Variants in RASAL2 observed in about 807,000 individuals in gnomAD.
RASAL2 encodes RAS protein activator like 2.
RASAL2 carries 58 observed loss-of-function variants against 128.9 expected under a neutral mutation model. The observed-to-expected ratio is 0.45, with a 90% CI of 0.36 to 0.56. The LOEUF (loss-of-function observed/expected upper bound fraction) is 0.56. RASAL2 is among the 20% of genes least tolerant of loss of function. The pLI is 0.00. For synonymous variants in RASAL2, 561 were observed against 580.8 expected (o/e 0.97, Z 0.49); for missense variants, 1,360 against 1,601.6 (o/e 0.85, Z 2.57).
At chr1:178,365,280 T>C (rs1262414201) in intron 3 of RASAL2, among the ~76,000 whole-genome samples, 1 of 152,192 alleles carries the variant, frequency 6.6e-6, no homozygotes, top group Non-Finnish European at 1.5e-5. Flanking sequence ...TAATACCTTA[T>C]ATGATCATAT....
chr1:178,255,183 C>T (rs1343568412), intron 1 of RASAL2, among the ~76,000 whole-genome samples: 2 of 151,662 alleles, frequency 1.3e-5, no homozygotes, highest in South Asian at 2.1e-4. Flanking sequence ...GCAGACTTGC[C>T]GTAGAGGAAA....
intron 5 of RASAL2, among the ~76,000 whole-genome samples, chr1:178,424,692 G>A (rs1675407121): frequency 6.6e-6 from 1 of 151,970 alleles, no homozygotes; most frequent in Non-Finnish European, 1.5e-5. Context: ...AAACTCCTGG[G>A]CTCAAGTGAT....
chr1:178,412,109 G>A (rs1156434468), intron 4 of RASAL2: 2 of 286,688 alleles, frequency 7.0e-6, no homozygotes, highest in African/African-American at 4.5e-5. Context: ...ACTGAGTAAT[G>A]GAGTCAAGGA....
At chr1:178,234,394 T>C (rs1374325180) in intron 1 of RASAL2, among the ~76,000 whole-genome samples, 1 of 152,198 alleles carries the variant, frequency 6.6e-6, no homozygotes, top group Non-Finnish European at 1.5e-5. Context: ...AAATACTCCA[T>C]TTGAATATGG....
intron 3 of RASAL2, among the ~76,000 whole-genome samples, chr1:178,339,725 A>C (rs1669770767): frequency 6.6e-6 from 1 of 152,140 alleles, no homozygotes; most frequent in South Asian, 2.1e-4. Flanking sequence ...CTGTATAAAG[A>C]GTTGGGTAGG....
At chr1:178,416,780 CTT>C (rs2102731019) in intron 4 of RASAL2, among the ~76,000 whole-genome samples, 1 of 152,038 alleles carries the variant, frequency 6.6e-6, no homozygotes, top group South Asian at 2.1e-4. Flanking sequence ...CCTCTCAACA[CTT>C]TAATATTTCA....
At position 178,337,086 on chromosome 1, in the gene RASAL2, A is replaced by C. The variant is rs185583607; in HGVS notation, c.457+36968A>C. On this transcript the variant is annotated intron_variant, in intron 3 of 17. Transcript: ENST00000367649. ...CCTAGCCAATTGCCATTCCAGAAAA[A>C]AAAAATGCAGTCTACTAAGTCATCT... Among the ~76,000 whole-genome samples, 207 of 152,274 alleles carry C rather than the reference A, an allele frequency of 1.4e-3. 1 individual carries two copies. Among genetic ancestry groups the C allele is most frequent in the African/African-American group, 4.3e-3 (180 of 41,556 alleles).
At chr1:178,467,086 G>C (rs1163245864) in intron 16 of RASAL2, among the ~76,000 whole-genome samples, 1 of 152,162 alleles carries the variant, frequency 6.6e-6, no homozygotes, top group Non-Finnish European at 1.5e-5. Context: ...GCTCAGGAAG[G>C]AATCTGAGAG....
At chr1:178,361,235 C>T (rs1235056495) in intron 3 of RASAL2, among the ~76,000 whole-genome samples, 1 of 152,026 alleles carries the variant, frequency 6.6e-6, no homozygotes, top group Non-Finnish European at 1.5e-5. Context: ...GAATTTACAA[C>T]AGATTCAAAT....
intron 3 of RASAL2, among the ~76,000 whole-genome samples, chr1:178,342,143 C>T (rs1259255465): frequency 6.6e-6 from 1 of 152,080 alleles, no homozygotes; most frequent in African/African-American, 2.4e-5. Flanking sequence ...GTTATTTTTG[C>T]CCAAGGTAGG....
intron 1 of RASAL2, among the ~76,000 whole-genome samples, chr1:178,145,386 G>A (rs1398380617): frequency 6.6e-6 from 1 of 151,898 alleles, no homozygotes; most frequent in East Asian, 1.9e-4. Context: ...GGCTTTTAAG[G>A]AAAGAGAGTA....
intron 3 of RASAL2, among the ~76,000 whole-genome samples, chr1:178,353,113 G>T (rs1670604386): frequency 6.6e-6 from 1 of 152,214 alleles, no homozygotes; most frequent in Non-Finnish European, 1.5e-5. Context: ...GCAAATTTCT[G>T]CAACCTGCTT....
At chr1:178,251,611 A>G (rs2102087573) in intron 1 of RASAL2, among the ~76,000 whole-genome samples, 1 of 152,308 alleles carries the variant, frequency 6.6e-6, no homozygotes, top group South Asian at 2.1e-4. Flanking sequence ...TTGATTAATT[A>G]CAGTGATAAA....
At chr1:178,162,306 T>TAA (rs1476704005) in intron 1 of RASAL2, among the ~76,000 whole-genome samples, 3 of 128,498 alleles carry the variant, frequency 2.3e-5, no homozygotes, top group Non-Finnish European at 4.7e-5. Context: ...TATATATATA[T>TAA]ATAATGTATT....
chr1:178,237,473 G>A (rs1664304773), intron 1 of RASAL2, among the ~76,000 whole-genome samples: 2 of 152,126 alleles, frequency 1.3e-5, no homozygotes, highest in Non-Finnish European at 2.9e-5. Context: ...GTTGAGACTA[G>A]CATCCCAGCC....
In RASAL2 at chr1:178,420,572, A is replaced by C; in HGVS notation, c.626A>C (p.Asp209Ala). The change falls in exon 5 of 18, where the codon GAC becomes GCC. Residue 209 changes from aspartate to alanine, a missense_variant. This residue lies in a region of RASAL2 where 617 missense variants were observed against 714.2 expected (regional missense o/e 0.86). Coordinates refer to ENST00000367649, the MANE Select transcript of RASAL2 (RefSeq NM_170692.4). Reference sequence around the variant, plus strand: ...AGGACCAAAAGCCAGTCAAAGCTTGACAGAAACACGAGCTTTCGGCTTCCA... The same window carrying C: ...AGGACCAAAAGCCAGTCAAAGCTTGCCAGAAACACGAGCTTTCGGCTTCCA... ...IKRTKSQSKLDRNTSFRLPSL... is the reference protein window; with the variant it reads ...IKRTKSQSKLARNTSFRLPSL... The C allele has an allele frequency of 6.2e-7, 1 of 1,613,268 alleles. No individual in the cohort carries two copies. The highest frequency in any genetic ancestry group is 1.7e-4 in the Middle Eastern group (1 of 6,056).
At position 178,345,424 on chromosome 1, in the gene RASAL2, A is replaced by G. The variant is rs988801309; in HGVS notation, c.458-44676A>G. Among the ~76,000 whole-genome samples, 11 of 152,180 alleles carry G rather than the reference A, an allele frequency of 7.2e-5. 1 individual carries two copies. The highest frequency in any genetic ancestry group is 3.9e-4 in the Admixed American group (6 of 15,276). ...CCTAGGATAGCTAGCCTGTTAGACA[A>G]GTTGCTAACTGATGTCCTGAATCCA... On this transcript the variant is annotated intron_variant, in intron 3 of 17. Coordinates refer to ENST00000367649, the MANE Select transcript of RASAL2 (RefSeq NM_170692.4).
chr1:178,458,660 C>T (rs983534100), intron 14 of RASAL2, 116 bp downstream of exon 14: 2 of 1,391,608 alleles, frequency 1.4e-6, no homozygotes, highest in Non-Finnish European at 1.9e-6. Flanking sequence ...TTAAAAGCAA[C>T]CTTTAAATGG....
chr1:178,217,246 A>T (rs1663451619), intron 1 of RASAL2, among the ~76,000 whole-genome samples: 1 of 152,180 alleles, frequency 6.6e-6, no homozygotes, highest in Non-Finnish European at 1.5e-5. Flanking sequence ...AAGTGCTGGG[A>T]TTACAGGCAT....
Sources: allele counts gnomAD v4.1 joint callset (sites outside exome capture counted in the v4.1 genomes callset), GRCh38; gene constraint gnomAD v4.1.1; regional missense constraint gnomAD v4.1.1; transcripts MANE v1.5; gene names NCBI Gene and HGNC (gene_info 2026-07-23, HGNC 2026-07-21).